The following DYRK1A variants were observed in gnomAD, a reference collection of about 807,000 sequenced individuals.
The protein encoded by DYRK1A is dual specificity tyrosine-phosphorylation-regulated kinase 1A.
A neutral mutation model predicts 79.7 loss-of-function variants in DYRK1A; 9 were observed. The ratio of observed to expected loss-of-function variants is 0.11; its 90% CI spans 0.07 to 0.20. The LOEUF is 0.20. DYRK1A is among the 10% of genes least tolerant of loss of function. The pLI is 1.00. For synonymous variants in DYRK1A, 349 were observed against 329.7 expected (o/e 1.06, Z -0.63); for missense variants, 622 against 956.0 (o/e 0.65, Z 4.61).
In DYRK1A at chr21:37,523,208, T is replaced by G. The variant is rs895188138; in HGVS notation, c.*10677T>G. Reference sequence around the variant, plus strand: ...GCGCATGCCACTGTGCCTGGCTAAATTATTTTATATTTTGTAGAGTTGAGG... The same window carrying G: ...GCGCATGCCACTGTGCCTGGCTAAAGTATTTTATATTTTGTAGAGTTGAGG... On this transcript the variant is annotated 3_prime_UTR_variant, in exon 12 of 12. Transcript: ENST00000647188. 2 of 152,244 alleles carry G rather than the reference T, an allele frequency of 1.3e-5. No individual in the cohort carries two copies. Among genetic ancestry groups the G allele is most frequent in the African/African-American group, 2.4e-5 (1 of 41,442 alleles). 9.4% of individuals were successfully genotyped at this position (152,244 alleles called of 1,614,324 possible).
At position 37,515,674 on chromosome 21, in the gene DYRK1A, TC is replaced by T. The variant is rs1221515667; in HGVS notation, c.*3144del. The T allele has an allele frequency of 6.6e-6, 1 of 152,220 alleles. No individual in the cohort carries two copies. 9.4% of individuals were successfully genotyped at this position (152,220 alleles called of 1,614,324 possible). A position where few individuals can be genotyped will look rare whatever the true frequency, so the allele number is the denominator to read the frequency against. On this transcript the variant is annotated 3_prime_UTR_variant, in exon 12 of 12. Coordinates refer to ENST00000647188, the MANE Select transcript of DYRK1A (RefSeq NM_001347721.2). ...GCTTCAGTATATATTAAGGTGGCTTTCGAGAGGCAAGATGCTTATTTAAAAG... is the reference window on the plus strand; with the variant it reads ...GCTTCAGTATATATTAAGGTGGCTTTGAGAGGCAAGATGCTTATTTAAAAG...
intron 3 of DYRK1A, among the ~76,000 whole-genome samples, chr21:37,475,674 T>C (rs1400085911): frequency 1.3e-5 from 2 of 152,244 alleles, no homozygotes; most frequent in African/African-American, 2.4e-5. Context: ...TGACCAGTTG[T>C]GGAAAAGATT....
At chr21:37,465,901 A>G (rs2052009249) in intron 2 of DYRK1A, among the ~76,000 whole-genome samples, 1 of 152,210 alleles carries the variant, frequency 6.6e-6, no homozygotes, top group African/African-American at 2.4e-5. Flanking sequence ...TTTTAAAAAG[A>G]TTGAAAAACA....
chr21:37,465,832 G>A (rs1044627092), intron 2 of DYRK1A, among the ~76,000 whole-genome samples: 5 of 151,488 alleles, frequency 3.3e-5, no homozygotes, highest in Non-Finnish European at 5.9e-5. Flanking sequence ...GCAAGACTCT[G>A]TCTCAGAAAA....
At chr21:37,366,300 G>A (rs1193766310), upstream of DYRK1A, 1 of 140,786 alleles carries the variant, frequency 7.1e-6, no homozygotes, top group Non-Finnish European at 1.6e-5. Flanking sequence ...CCCTCCCCCC[G>A]GCGCGGGCGG....
intron 6 of DYRK1A, 60 bp from the exon 7 acceptor site, chr21:37,490,115 G>A: frequency 6.8e-7 from 1 of 1,477,638 alleles, no homozygotes; most frequent in Non-Finnish European, 9.2e-7. Context: ...GAGTGCATGT[G>A]TTTGTTACTC....
chr21:37,494,155 G>A (rs1394841681), intron 8 of DYRK1A, among the ~76,000 whole-genome samples: 2 of 151,570 alleles, frequency 1.3e-5, no homozygotes, highest in Non-Finnish European at 2.9e-5. Context: ...GCCTCCCAAA[G>A]TGCTGAGATT....
At chr21:37,470,621 A>G (rs924143881) in intron 2 of DYRK1A, among the ~76,000 whole-genome samples, 2 of 152,144 alleles carry the variant, frequency 1.3e-5, no homozygotes, top group African/African-American at 4.8e-5. Flanking sequence ...AGAACTTTTT[A>G]TATATTAAGG....
chr21:37,372,925 A>G (rs1309184515), intron 1 of DYRK1A, among the ~76,000 whole-genome samples: 3 of 152,242 alleles, frequency 2.0e-5, no homozygotes. Flanking sequence ...ATGATTATTC[A>G]TATATGTTCT....
intron 1 of DYRK1A, among the ~76,000 whole-genome samples, chr21:37,381,166 C>T (rs1226386258): frequency 2.0e-5 from 3 of 152,154 alleles, no homozygotes; most frequent in Non-Finnish European, 4.4e-5. Context: ...AATCAGTGAA[C>T]TACATGCTTT....
intron 2 of DYRK1A, among the ~76,000 whole-genome samples, chr21:37,439,531 A>G (rs1406788462): frequency 1.3e-5 from 2 of 152,176 alleles, no homozygotes; most frequent in Non-Finnish European, 2.9e-5. Context: ...GAGCACTACC[A>G]CCTGAGCTCT....
intron 11 of DYRK1A, among the ~76,000 whole-genome samples, chr21:37,511,387 C>T (rs1467073379): frequency 6.6e-6 from 1 of 152,052 alleles, no homozygotes. Context: ...GTTGTGTTAG[C>T]GTAGGCAAGA....
chr21:37,367,978 C>T (rs73203938), intron 1 of DYRK1A: 12,169 of 162,176 alleles, frequency 0.075, 680 homozygotes, highest in Non-Finnish European at 0.11. Flanking sequence ...TCCTCATCCT[C>T]TTCCCCCAGC....
intron 2 of DYRK1A, among the ~76,000 whole-genome samples, chr21:37,431,915 A>C (rs1280970166): frequency 3.9e-5 from 6 of 152,132 alleles, no homozygotes; most frequent in Non-Finnish European, 8.8e-5. Context: ...TACTTTATGT[A>C]GTTTGTATAG....
intron 1 of DYRK1A, among the ~76,000 whole-genome samples, chr21:37,371,077 C>T (rs1205052322): frequency 6.6e-6 from 1 of 152,182 alleles, no homozygotes. Flanking sequence ...TGTTTAATTA[C>T]TTGGAAAAAT....
At chr21:37,417,652 T>C (rs1227914721) in intron 1 of DYRK1A, among the ~76,000 whole-genome samples, 2 of 148,840 alleles carry the variant, frequency 1.3e-5, no homozygotes, top group Non-Finnish European at 3.0e-5. Flanking sequence ...GCTCAGTACC[T>C]ATCTGAGCAT....
At chr21:37,488,361 A>G (rs2052950315) in intron 6 of DYRK1A, 1 of 916,702 alleles carries the variant, frequency 1.1e-6, no homozygotes, top group Admixed American at 6.2e-5. Flanking sequence ...GGTATCCGAA[A>G]GTCATATTGA....
chr21:37,403,663 A>ATGTGTGTG (rs761056038), intron 1 of DYRK1A, among the ~76,000 whole-genome samples: 67 of 121,536 alleles, frequency 5.5e-4, no homozygotes, highest in South Asian at 1.5e-3. Context: ...ATATATATAT[A>ATGTGTGTG]TGTGTGTGTG....
intron 1 of DYRK1A, among the ~76,000 whole-genome samples, chr21:37,407,707 T>C (rs2050173725): frequency 6.6e-6 from 1 of 152,220 alleles, no homozygotes; most frequent in South Asian, 2.1e-4. Context: ...TCATGAAGAA[T>C]GTGTTGTTTA....
Sources: allele counts gnomAD v4.1 joint callset (sites outside exome capture counted in the v4.1 genomes callset), GRCh38; gene constraint gnomAD v4.1.1; transcripts MANE v1.5; gene names NCBI Gene and HGNC (gene_info 2026-07-23, HGNC 2026-07-21).